The following SPON2 variants were observed in gnomAD, a reference collection of about 807,000 sequenced individuals.
SPON2 encodes the protein spondin-2.
A neutral mutation model predicts 29.9 loss-of-function variants in SPON2; 32 were observed. The ratio of observed to expected loss-of-function variants is 1.07; its 90% confidence interval spans 0.81 to 1.44. The LOEUF is 1.44. SPON2 is among the 40% of genes most tolerant of loss of function. SPON2 has a pLI of 0.00. For missense variants in SPON2, 541 were observed against 455.5 expected (o/e 1.19, Z -1.71); for synonymous variants, 248 against 209.1 (o/e 1.19, Z -1.61).
At chr4:1,172,231 A>C in intron 1 of SPON2, 157 bp from the exon 2 acceptor site, 1 of 655,420 alleles carries the variant, frequency 1.5e-6, no homozygotes, top group Non-Finnish European at 2.6e-6. Flanking sequence ...TGCTTCCGAG[A>C]CCCCCATCAG....
At position 1,202,450 on chromosome 4, in the gene SPON2, A is replaced by G. The variant is rs1250104; in HGVS notation, c.-234+5430T>C. Among the ~76,000 whole-genome samples the G allele has an allele frequency of 0.98, 148,697 of 152,308 alleles. 72,691 individuals are homozygous for G. Among genetic ancestry groups the G allele is most frequent in the South Asian group, 1 (4,819 of 4,820 alleles). On this transcript the variant is annotated intron_variant, in intron 1 of 3. Transcript: ENST00000509233. This position sits in a 1 kb window ranked among gnomAD's most constrained non-coding sequence, Gnocchi z 5.4. ...ACTCACCGCTCTCACATACAAAATCATATGAGTCAGCATTCTCTAGAGGGA... is the reference window on the plus strand; with the variant it reads ...ACTCACCGCTCTCACATACAAAATCGTATGAGTCAGCATTCTCTAGAGGGA...
At position 1,167,518 on chromosome 4, in the gene SPON2, G is replaced by A. The variant is rs765588439; in HGVS notation, c.950C>T (p.Pro317Leu). Residue 317 changes from proline to leucine, a missense_variant, in exon 6 of 6, where the codon CCC becomes CTC. By Grantham distance (98) the Pro-to-Leu change is moderately conservative. Transcript: ENST00000290902. ...GCACTCAGCCTCTTCTTCGAGCTCG[G>A]GGCAGGGGCTCCCGTTGTTGGCGGG... is the stretch of plus-strand genomic sequence containing the variant. ...VQPANNGSPC[P>L]ELEEEAECVP... 12 of 1,613,706 alleles carry A rather than the reference G, an allele frequency of 7.4e-6. No homozygotes were observed. The highest frequency in any genetic ancestry group is 9.3e-6 in the Non-Finnish European group (11 of 1,180,006).
At chr4:1,198,292 T>C (rs1033118638), upstream of SPON2, among the ~76,000 whole-genome samples, 5 of 152,004 alleles carry the variant, frequency 3.3e-5, no homozygotes, top group African/African-American at 7.2e-5. Flanking sequence ...GAGCACGAGG[T>C]GCTGGAGAGG....
At chr4:1,171,549 A>G in intron 2 of SPON2, 63 bp from the exon 3 acceptor site, 1 of 1,516,450 alleles carries the variant, frequency 6.6e-7, no homozygotes, top group East Asian at 2.3e-5. Context: ...CTTGGATTCC[A>G]GGGGGCGCCC....
chr4:1,206,304 C>A (rs997528935), intron 1 of SPON2, among the ~76,000 whole-genome samples: 6 of 152,196 alleles, frequency 3.9e-5, no homozygotes, highest in Admixed American at 6.5e-5. Flanking sequence ...ACTCACCCAC[C>A]CGGCTGCAGC....
At chr4:1,184,869 G>A (rs1159001803) in intron 1 of SPON2, among the ~76,000 whole-genome samples, 3 of 151,098 alleles carry the variant, frequency 2.0e-5, no homozygotes, top group Non-Finnish European at 1.5e-5. Context: ...CCCAGGAAGC[G>A]GAGGTTGCAG....
chr4:1,190,294 C>CA (rs1217140967), intron 1 of SPON2, among the ~76,000 whole-genome samples: 35 of 148,922 alleles, frequency 2.4e-4, no homozygotes, highest in African/African-American at 7.9e-4. Flanking sequence ...AAAAAAAAAA[C>CA]AAACAAAAAA....
Position 1,172,027 on chromosome 4 carries a change from G to A in SPON2, c.45C>T (p.Cys15=), listed in dbSNP as rs1417742502. Residue 15 remains cysteine, a synonymous_variant, in exon 2 of 6, where the codon TGC becomes TGT. Transcript: ENST00000290902. ...SPAAALGKAL[C]ALLLATLGAA... ...CGCCGAGAGTGGCCAGGAGGAGAGCGCAGAGGGCCTTGCCCAGGGCGGCGG... is the reference window on the plus strand; with the variant it reads ...CGCCGAGAGTGGCCAGGAGGAGAGCACAGAGGGCCTTGCCCAGGGCGGCGG... 2.5e-6 allele frequency: 4 copies of A among 1,612,666 alleles called. No individual in the cohort carries two copies. The highest frequency in any genetic ancestry group is 2.2e-5 in the East Asian group (1 of 44,858).
intron 1 of SPON2, among the ~76,000 whole-genome samples, chr4:1,193,028 A>C (rs1038031425): frequency 1.3e-5 from 2 of 152,168 alleles, no homozygotes; most frequent in African/African-American, 4.8e-5. Flanking sequence ...GCCCACACAC[A>C]TATGTGGACA....
intron 1 of SPON2, among the ~76,000 whole-genome samples, chr4:1,183,798 T>C (rs561034117): frequency 6.6e-6 from 1 of 152,126 alleles, no homozygotes; most frequent in Non-Finnish European, 1.5e-5. Flanking sequence ...ACAAAGGAAA[T>C]AGCTATATAA....
chr4:1,167,768 T>C, intron 5 of SPON2, 112 bp from the exon 6 acceptor site: 1 of 1,202,536 alleles, frequency 8.3e-7, no homozygotes, highest in Non-Finnish European at 1.1e-6. Flanking sequence ...ACGCCCACCC[T>C]TCGGGGGCAC....
chr4:1,192,633 C>G (rs1002000035), intron 1 of SPON2, among the ~76,000 whole-genome samples: 1 of 152,208 alleles, frequency 6.6e-6, no homozygotes, highest in Non-Finnish European at 1.5e-5. Flanking sequence ...CCGGGGCAAA[C>G]AAAGAGGGAC....
At position 1,171,494 on chromosome 4, in the gene SPON2, A is replaced by G; in HGVS notation, c.221-8T>C. ...CGGAGCTATGCGCGGCCCCTGCAGG[A>G]CCACCCGGCCGCGCCGCGGACCATG... On this transcript the variant is annotated splice_polypyrimidine_tract_variant and splice_region_variant and intron_variant, in intron 2 of 5. Transcript: ENST00000290902. The G allele has an allele frequency of 1.2e-6, 2 of 1,605,436 alleles. No individual in the cohort carries two copies. Among genetic ancestry groups the G allele is most frequent in the South Asian group, 2.2e-5 (2 of 90,946 alleles).
At chr4:1,197,474 A>G (rs1728094998), upstream of SPON2, among the ~76,000 whole-genome samples, 1 of 152,208 alleles carries the variant, frequency 6.6e-6, no homozygotes, top group Non-Finnish European at 1.5e-5. Flanking sequence ...CCGAGAAGCC[A>G]TAAATATCAA....
At chr4:1,181,442 A>G (rs1331597696) in intron 1 of SPON2, among the ~76,000 whole-genome samples, 1 of 152,234 alleles carries the variant, frequency 6.6e-6, no homozygotes, top group African/African-American at 2.4e-5. Context: ...AACAAAGAGC[A>G]CTGGTAAAGG....
At chr4:1,188,816 T>C (rs1727851026) in intron 1 of SPON2, among the ~76,000 whole-genome samples, 1 of 152,016 alleles carries the variant, frequency 6.6e-6, no homozygotes, top group Non-Finnish European at 1.5e-5. Context: ...GTCAACAGGC[T>C]CTAACCCACC....
At chr4:1,194,943 TCCAACCTCGCAGCCGGCGA>T (rs1425394749) in intron 1 of SPON2, 2 of 116,048 alleles carry the variant, frequency 1.7e-5, no homozygotes, top group South Asian at 2.9e-4. Context: ...AGCCGGCGGC[TCCAACCTCGCAGCCGGCGA>T]CTCCAACCCC....
intron 1 of SPON2, among the ~76,000 whole-genome samples, chr4:1,186,243 C>CAA (rs1269849796): frequency 1.3e-4 from 8 of 61,742 alleles, no homozygotes; most frequent in East Asian, 8.8e-4. Flanking sequence ...GACTCCGTCT[C>CAA]AAAAAAAAAA....
intron 1 of SPON2, chr4:1,201,312 C>T (rs1346488382): frequency 1.4e-5 from 5 of 362,430 alleles, no homozygotes; most frequent in African/African-American, 8.4e-5. Flanking sequence ...CCACTGGCTT[C>T]AGGCACTTCC....
Sources: gnomAD v4.1 joint callset for allele counts (sites outside exome capture counted in the v4.1 genomes callset) on GRCh38, gnomAD v4.1.1 for gene constraint, Gnocchi (gnomAD v3.1) non-coding constraint, MANE v1.5 for transcripts, NCBI Gene and HGNC (gene_info 2026-07-23, HGNC 2026-07-21) for gene names.